CASK: variants seen among roughly 807,000 people sequenced by gnomAD.
CASK encodes peripheral plasma membrane protein CASK.
In CASK, 4 loss-of-function variants were observed where a neutral mutation model predicts 82.9. The observed-to-expected ratio is 0.05, with a 90% confidence interval of 0.02 to 0.11. The LOEUF (loss-of-function observed/expected upper bound fraction) is 0.11, where lower values mean the gene tolerates loss of function less well. CASK is among the 10% of genes least tolerant of loss of function. The pLI, the probability that CASK is intolerant of heterozygous loss-of-function variation, is 1.00. For missense variants in CASK, 358 were observed against 720.9 expected, an observed-to-expected ratio of 0.50 and a Z score of 5.76; for synonymous variants, 259 against 253.5, an observed-to-expected ratio of 1.02 and a Z score of -0.20.
At chrX:41,704,910 G>A (rs2067859877) in intron 5 of CASK, among the ~76,000 whole-genome samples, 1 of 111,527 alleles carries the variant, frequency 9.0e-6, no homozygotes, top group East Asian at 2.8e-4. Flanking sequence ...GTTGTTAGGA[G>A]GACTCAATGA....
At chrX:41,639,259 A>T (rs1224149001) in intron 8 of CASK, among the ~76,000 whole-genome samples, 1 of 109,255 alleles carries the variant, frequency 9.2e-6, no homozygotes, top group Non-Finnish European at 1.9e-5. Flanking sequence ...TTTTTAGTAG[A>T]GACGGGGTTT....
chrX:41,559,130 T>C (rs981287107), intron 18 of CASK: 1 of 112,324 alleles, frequency 8.9e-6, no homozygotes, highest in Non-Finnish European at 1.9e-5. Flanking sequence ...CTGAATAATA[T>C]AGGTTGGAAG....
At chrX:41,700,344 A>T (rs2067768508) in intron 5 of CASK, among the ~76,000 whole-genome samples, 2 of 111,850 alleles carry the variant, frequency 1.8e-5, no homozygotes, top group Non-Finnish European at 3.8e-5. Context: ...GAAAAGCAAT[A>T]TGAAGAGAGT....
chrX:41,616,875 T>C (rs2147304620), intron 11 of CASK, among the ~76,000 whole-genome samples: 1 of 112,264 alleles, frequency 8.9e-6, no homozygotes, highest in South Asian at 3.7e-4. Flanking sequence ...TCCCAAAGTG[T>C]TGGGATTACT....
chrX:41,520,744 T>TGCCA, intron 26 of CASK, 148 bp from the exon 27 acceptor site: 2 of 526,599 alleles, frequency 3.8e-6, no homozygotes, highest in East Asian at 7.0e-5. Flanking sequence ...ATATGCCATA[T>TGCCA]GCCAGCATGA....
intron 1 of CASK, among the ~76,000 whole-genome samples, chrX:41,888,856 C>T (rs771012452): frequency 4.7e-5 from 5 of 106,131 alleles, no homozygotes; most frequent in African/African-American, 6.9e-5. Flanking sequence ...TGTATATATA[C>T]GCAAACACAC....
chrX:41,882,768 T>C (rs1473037468), intron 1 of CASK, among the ~76,000 whole-genome samples: 2 of 111,178 alleles, frequency 1.8e-5, no homozygotes, highest in African/African-American at 6.5e-5. Flanking sequence ...CACACAGAGA[T>C]CACACTGTCC....
At chrX:41,677,720 G>GA (rs1371128601) in intron 5 of CASK, among the ~76,000 whole-genome samples, 5 of 112,062 alleles carry the variant, frequency 4.5e-5, no homozygotes, top group Non-Finnish European at 9.4e-5. Context: ...AAGAAAGTGT[G>GA]AAGCTGAGGA....
At chrX:41,543,175 T>C (rs1433492116) in intron 21 of CASK, among the ~76,000 whole-genome samples, 1 of 112,209 alleles carries the variant, frequency 8.9e-6, no homozygotes, top group Non-Finnish European at 1.9e-5. Flanking sequence ...CTAGGAACTT[T>C]ACATGTATTA....
chrX:41,532,596 T>C (rs1401424033), intron 24 of CASK, among the ~76,000 whole-genome samples: 1 of 110,271 alleles, frequency 9.1e-6, no homozygotes, highest in African/African-American at 3.3e-5. Flanking sequence ...TCCCTTTTTT[T>C]CCCTCTCTCT....
At chrX:41,622,484 G>T in intron 11 of CASK, 133 bp downstream of exon 11, 3 of 418,006 alleles carry the variant, frequency 7.2e-6, no homozygotes, top group Non-Finnish European at 1.2e-5. Context: ...TTATGACCAG[G>T]CAGTGTTAAA....
rs1333093384 is a variant in CASK, at chrX:41,586,839, T to C, written c.1314+68A>G. 4.5e-6 allele frequency: 3 copies of C among 659,576 alleles called. No homozygotes were observed. In the African/African-American group the frequency reaches 6.4e-5, roughly 14 times the overall value. The allele number at this position is 659,576 out of a possible 1,213,427, so 54.4% of individuals were successfully genotyped here. Reference sequence around the variant, plus strand: ...ATGAGATGAAGCTGGCTACATTTTATGAGGGTAGTTTAAAAACTTCTTTTG... The same window carrying C: ...ATGAGATGAAGCTGGCTACATTTTACGAGGGTAGTTTAAAAACTTCTTTTG... On this transcript the variant is annotated intron_variant, in intron 14 of 26. Coordinates refer to ENST00000378163, the MANE Select transcript of CASK (RefSeq NM_001367721.1).
chrX:41,890,217 C>CGTGT (rs750705275), intron 1 of CASK, among the ~76,000 whole-genome samples: 3 of 63,302 alleles, frequency 4.7e-5, no homozygotes, highest in Non-Finnish European at 8.1e-5. Flanking sequence ...AATGTGCATG[C>CGTGT]GTGTGTGTGT....
In CASK at chrX:41,583,610, T is replaced by G. The variant is rs779302778; in HGVS notation, c.1314+3297A>C. On this transcript the variant is annotated intron_variant, in intron 14 of 26. Coordinates refer to ENST00000378163, the MANE Select transcript of CASK (RefSeq NM_001367721.1). ...TGCTACCACGCCAGGCTATTTTTTT[T>G]TTTTTTTTGTATTTTTAGTAGAGAT... Among the ~76,000 whole-genome samples the G allele has an allele frequency of 1.2e-4, 13 of 108,454 alleles. No homozygotes were observed. In the East Asian group the frequency reaches 3.7e-3, roughly 31 times the overall value. The allele number at this position is 108,454 out of a possible 115,157, so 94.2% of individuals were successfully genotyped here.
At chrX:41,595,369 C>T (rs951966432) in intron 12 of CASK, among the ~76,000 whole-genome samples, 10 of 110,836 alleles carry the variant, frequency 9.0e-5, no homozygotes, top group Admixed American at 1.9e-4. Context: ...GGAGGCCATA[C>T]GAGGTAGGAA....
intron 2 of CASK, among the ~76,000 whole-genome samples, chrX:41,830,828 A>C (rs376659861): frequency 2.7e-5 from 3 of 109,134 alleles, no homozygotes; most frequent in African/African-American, 3.3e-5. Flanking sequence ...AAAAAAAAAA[A>C]AAAAAAAACA....
intron 5 of CASK, among the ~76,000 whole-genome samples, chrX:41,710,033 C>T (rs923390462): frequency 1.1e-4 from 12 of 106,937 alleles, no homozygotes; most frequent in East Asian, 5.8e-4. Flanking sequence ...CTTTTAAATT[C>T]GCTAAATCTC....
At chrX:41,727,625 A>G in intron 5 of CASK, 1 of 1,209,385 alleles carries the variant, frequency 8.3e-7, no homozygotes, top group Non-Finnish European at 1.1e-6. Flanking sequence ...ATGATCTCTC[A>G]GATTGCAGGT....
At position 41,859,212 on chromosome X, in the gene CASK, C is replaced by T. The variant is rs1023778156; in HGVS notation, c.60-5985G>A. On this transcript the variant is annotated intron_variant, in intron 1 of 26. Coordinates refer to ENST00000378163, the MANE Select transcript of CASK (RefSeq NM_001367721.1). ...TGTACCACAAGATACGTAGGAAAAC[C>T]GTGAATGATTTAAAAAAGAAAAGAC... Among the ~76,000 whole-genome samples the T allele has an allele frequency of 6.3e-5, 7 of 110,834 alleles. No individual in the cohort carries two copies. The South Asian group carries it at 1.5e-3, about 24-fold the overall frequency.
Sources: allele counts gnomAD v4.1 joint callset (sites outside exome capture counted in the v4.1 genomes callset), GRCh38; gene constraint gnomAD v4.1.1; transcripts MANE v1.5; gene names NCBI Gene and HGNC (gene_info 2026-07-23, HGNC 2026-07-21).